The following ABI1 variants were observed in gnomAD, a reference collection of about 807,000 sequenced individuals.
ABI1 encodes the protein Abelson interactor 1.
ABI1 carries 14 observed loss-of-function variants against 54.6 expected under a neutral mutation model. That is an observed-to-expected ratio of 0.26 (90% CI 0.17 to 0.40). ABI1 has a LOEUF of 0.40. ABI1 is among the 10% of genes least tolerant of loss of function. The pLI is 1.00. For synonymous variants in ABI1, 194 were observed against 209.3 expected (o/e 0.93, Z 0.63); for missense variants, 443 against 598.3 (o/e 0.74, Z 2.71).
intron 1 of ABI1, chr10:26,839,846 C>T (rs1159686081): frequency 2.9e-6 from 2 of 691,740 alleles, no homozygotes; most frequent in East Asian, 5.4e-5. Context: ...GTAAAGATGG[C>T]AAAAATGGTA....
intron 2 of ABI1, among the ~76,000 whole-genome samples, chr10:26,781,616 A>G (rs1251251584): frequency 6.6e-6 from 1 of 152,226 alleles, no homozygotes; most frequent in Non-Finnish European, 1.5e-5. Flanking sequence ...TCTGGCCAAT[A>G]TTCCCCTTGA....
At chr10:26,855,970 CAAAAAAAAA>C (rs11369827) in intron 1 of ABI1, among the ~76,000 whole-genome samples, 234 of 80,608 alleles carry the variant, frequency 2.9e-3, no homozygotes, top group East Asian at 0.011. Context: ...GACTCCATCT[CAAAAAAAAA>C]AAAAAAAAAA....
intron 1 of ABI1, among the ~76,000 whole-genome samples, chr10:26,842,958 T>G (rs2049640559): frequency 6.6e-6 from 1 of 151,806 alleles, no homozygotes. Flanking sequence ...GCAGGAGAAC[T>G]GCTTGAACCC....
intron 1 of ABI1, among the ~76,000 whole-genome samples, chr10:26,852,142 T>A (rs900071356): frequency 6.6e-6 from 1 of 152,018 alleles, no homozygotes; most frequent in Admixed American, 6.6e-5. Context: ...AAATTAAAAA[T>A]AAAATGGCAC....
chr10:26,752,993 G>A (rs536878546), intron 9 of ABI1, among the ~76,000 whole-genome samples: 2 of 152,136 alleles, frequency 1.3e-5, no homozygotes, highest in Non-Finnish European at 2.9e-5. Context: ...GGCTATTTAC[G>A]TGATCAAAGA....
chr10:26,817,952 T>C (rs962111940), intron 2 of ABI1, among the ~76,000 whole-genome samples: 4 of 150,674 alleles, frequency 2.7e-5, no homozygotes, highest in African/African-American at 9.8e-5. Context: ...GGTCAGGAGT[T>C]TGAGACCAGC....
Position 26,765,309 on chromosome 10 carries a change from A to C in ABI1, c.729T>G (p.Ser243Arg). Residue 243 changes from serine to arginine, a missense_variant, in exon 7 of 11, where the codon AGT becomes AGG. By Grantham distance (110) the Ser-to-Arg change is moderately radical. Coordinates refer to ENST00000376140, the MANE Select transcript of ABI1 (RefSeq NM_001012750.3). ...TGTTTTCTCGACTTCCACTTCCTCCACTACTTCCACTGAAAAGAAAAAAAA... is the reference window on the plus strand; with the variant it reads ...TGTTTTCTCGACTTCCACTTCCTCCCCTACTTCCACTGAAAAGAAAAAAAA... ...NQRPRTHSGSSGGSGSRENSG... is the reference protein window; with the variant it reads ...NQRPRTHSGSRGGSGSRENSG... The C allele has an allele frequency of 6.3e-7, 1 of 1,580,870 alleles. No homozygotes were observed. Among genetic ancestry groups the C allele is most frequent in the Admixed American group, 2.0e-5 (1 of 49,520 alleles).
chr10:26,836,250 C>T (rs926000583), intron 1 of ABI1, among the ~76,000 whole-genome samples: 2 of 151,884 alleles, frequency 1.3e-5, no homozygotes, highest in Non-Finnish European at 2.9e-5. Context: ...GTAGCTGGGA[C>T]TACAGGCGTG....
In ABI1 at chr10:26,746,880, C is replaced by G. The variant is rs894079464; in HGVS notation, c.*1690G>C. On this transcript the variant is annotated 3_prime_UTR_variant, in exon 11 of 11. Coordinates refer to ENST00000376140, the MANE Select transcript of ABI1 (RefSeq NM_001012750.3). ...GAAGTCCACATGAGTTATATTTTAACAGTATCCAAAATTTCATATAGGAGA... is the reference window on the plus strand; with the variant it reads ...GAAGTCCACATGAGTTATATTTTAAGAGTATCCAAAATTTCATATAGGAGA... 6 of 307,956 alleles carry G rather than the reference C, an allele frequency of 1.9e-5. No homozygotes were observed. Among genetic ancestry groups the G allele is most frequent in the African/African-American group, 1.3e-4 (6 of 46,516 alleles). 19.1% of individuals were successfully genotyped at this position (307,956 alleles called of 1,614,324 possible).
chr10:26,800,143 G>A (rs2046452453), intron 2 of ABI1, among the ~76,000 whole-genome samples: 1 of 152,130 alleles, frequency 6.6e-6, no homozygotes, highest in Non-Finnish European at 1.5e-5. Flanking sequence ...CAACACTTTG[G>A]GAGGCCAACC....
At chr10:26,820,492 G>C (rs1039527102) in intron 2 of ABI1, among the ~76,000 whole-genome samples, 43 of 151,838 alleles carry the variant, frequency 2.8e-4, no homozygotes, top group African/African-American at 1.0e-3. Flanking sequence ...TAACCCCTGG[G>C]TCAGAAAGAA....
At chr10:26,756,341 G>A (rs1252766356) in intron 8 of ABI1, among the ~76,000 whole-genome samples, 1 of 151,968 alleles carries the variant, frequency 6.6e-6, no homozygotes, top group African/African-American at 2.4e-5. Flanking sequence ...GTAAAACAAG[G>A]TTGTTATTTT....
intron 7 of ABI1, chr10:26,764,018 G>C: frequency 7.6e-7 from 1 of 1,322,094 alleles, no homozygotes; most frequent in Non-Finnish European, 1.1e-6. Context: ...TCAACATTTT[G>C]AAACAGCAAG....
rs1228103852 is a variant in ABI1 at position 26,797,171 on chromosome 10, GTATAGCA to G, written c.286-19937_286-19931del. Among the ~76,000 whole-genome samples, 7 of 152,320 alleles carry G rather than the reference GTATAGCA, an allele frequency of 4.6e-5. No homozygotes were observed. The East Asian group carries it at 7.7e-4, about 17-fold the overall frequency. On this transcript the variant is annotated intron_variant, in intron 2 of 10. Transcript: ENST00000376140. ...AATTTTTAGTCTAAAACTAAGGACA[GTATAGCA>G]TAGTGATAACAAGTAGATTCTAAAA...
chr10:26,769,070 C>T, intron 5 of ABI1, 78 bp from the exon 6 acceptor site: 1 of 1,143,044 alleles, frequency 8.7e-7, no homozygotes, highest in South Asian at 2.3e-5. Flanking sequence ...TGTGAGTCTC[C>T]CTTTGTGACC....
At chr10:26,755,281 A>G (rs921254804) in intron 9 of ABI1, among the ~76,000 whole-genome samples, 1 of 152,150 alleles carries the variant, frequency 6.6e-6, no homozygotes, top group African/African-American at 2.4e-5. Flanking sequence ...ATATCTACCT[A>G]TCTCTTGATA....
intron 1 of ABI1, chr10:26,839,597 C>T (rs1478273576): frequency 1.8e-6 from 1 of 568,424 alleles, no homozygotes; most frequent in South Asian, 2.4e-5. Flanking sequence ...GTAGTTAACA[C>T]TGTCACAATC....
chr10:26,850,037 C>A (rs1157174148), intron 1 of ABI1, among the ~76,000 whole-genome samples: 1 of 152,206 alleles, frequency 6.6e-6, no homozygotes, highest in Non-Finnish European at 1.5e-5. Context: ...ATTATGTGCA[C>A]AGCCTATTAC....
In ABI1 at chr10:26,748,302, A is replaced by C. The variant is rs926711899; in HGVS notation, c.*268T>G. The C allele has an allele frequency of 1.6e-5, 5 of 311,662 alleles. No homozygotes were observed. Among genetic ancestry groups the C allele is most frequent in the Non-Finnish European group, 3.0e-5 (5 of 167,282 alleles). The allele number at this position is 311,662 out of a possible 1,614,324, so 19.3% of individuals were successfully genotyped here. Reference sequence around the variant, plus strand: ...AATATTATACCCCACTTCCCCCAGAATATTTAGGCTGGTCATAAAGTTAAA... The same window carrying C: ...AATATTATACCCCACTTCCCCCAGACTATTTAGGCTGGTCATAAAGTTAAA... On this transcript the variant is annotated 3_prime_UTR_variant, in exon 11 of 11. Transcript: ENST00000376140.
Sources: gnomAD v4.1 joint callset for allele counts (sites outside exome capture counted in the v4.1 genomes callset) on GRCh38, gnomAD v4.1.1 for gene constraint, MANE v1.5 for transcripts, NCBI Gene and HGNC (gene_info 2026-07-23, HGNC 2026-07-21) for gene names.